The following EXOC4 variants were observed in gnomAD, a reference collection of about 807,000 sequenced individuals.
EXOC4 encodes the protein exocyst complex component 4.
EXOC4 carries 71 observed loss-of-function variants against 107.2 expected under a neutral mutation model. The ratio of observed to expected loss-of-function variants is 0.66; its 90% CI spans 0.55 to 0.81. The LOEUF (loss-of-function observed/expected upper bound fraction) is 0.81, where lower values mean the gene tolerates loss of function less well. EXOC4 is among the 30% of genes least tolerant of loss of function. EXOC4 has a pLI of 0.00. For missense variants in EXOC4, 1,108 were observed against 1,189.6 expected, an observed-to-expected ratio of 0.93 and a Z score of 1.01; for synonymous variants, 456 against 441.2, an observed-to-expected ratio of 1.03 and a Z score of -0.42.
At chr7:133,812,151 A>G (rs989092641) in intron 10 of EXOC4, among the ~76,000 whole-genome samples, 1 of 151,756 alleles carries the variant, frequency 6.6e-6, no homozygotes, top group African/African-American at 2.4e-5. Context: ...TGAAAAGTGA[A>G]AAAAAAAATC....
chr7:134,062,689 G>A (rs949073285), intron 17 of EXOC4, among the ~76,000 whole-genome samples: 1 of 151,562 alleles, frequency 6.6e-6, no homozygotes, highest in Non-Finnish European at 1.5e-5. Flanking sequence ...CTGGCTCAGA[G>A]TCTGTGTTGA....
intron 5 of EXOC4, among the ~76,000 whole-genome samples, chr7:133,343,830 T>A (rs1795722133): frequency 6.6e-6 from 1 of 151,906 alleles, no homozygotes. Context: ...TTATTTATCT[T>A]TGAGATTTTT....
chr7:133,477,712 T>A (rs1799051861), intron 8 of EXOC4, among the ~76,000 whole-genome samples: 1 of 152,238 alleles, frequency 6.6e-6, no homozygotes, highest in African/African-American at 2.4e-5. Context: ...ATGTTTAGCT[T>A]CATAAGACAC....
intron 7 of EXOC4, among the ~76,000 whole-genome samples, chr7:133,430,272 C>G (rs548094762): frequency 7.2e-5 from 11 of 152,154 alleles, no homozygotes; most frequent in African/African-American, 1.4e-4. Context: ...TGCTCTGTTC[C>G]TCTGCCAATG....
intron 10 of EXOC4, among the ~76,000 whole-genome samples, chr7:133,714,911 A>G (rs1297509356): frequency 2.0e-5 from 3 of 152,026 alleles, no homozygotes; most frequent in Non-Finnish European, 4.4e-5. Context: ...AAGACATCAC[A>G]TCTCTGGGCT....
At chr7:133,318,528 A>T (rs1795041889) in intron 5 of EXOC4, among the ~76,000 whole-genome samples, 1 of 152,202 alleles carries the variant, frequency 6.6e-6, no homozygotes, top group Non-Finnish European at 1.5e-5. Context: ...TGTAATGTTT[A>T]TTATCATTGT....
intron 9 of EXOC4, among the ~76,000 whole-genome samples, chr7:133,574,359 A>G (rs1244154741): frequency 6.6e-6 from 1 of 152,240 alleles, no homozygotes; most frequent in East Asian, 1.9e-4. Context: ...TTAGATATTT[A>G]GGGAATGAAT....
At chr7:133,867,323 A>G (rs942528235) in intron 11 of EXOC4, among the ~76,000 whole-genome samples, 1 of 152,270 alleles carries the variant, frequency 6.6e-6, no homozygotes, top group African/African-American at 2.4e-5. Flanking sequence ...TGTAACTTGC[A>G]TATTACTATG....
the EXOC4 span, among the ~76,000 whole-genome samples, chr7:134,096,232 T>A: frequency 1.1e-4 from 17 of 151,752 alleles, no homozygotes; most frequent in African/African-American, 4.1e-4. Flanking sequence ...GCACAATGAG[T>A]TTTAATAAAA....
intron 7 of EXOC4, among the ~76,000 whole-genome samples, chr7:133,438,356 A>AT (rs1348430574): frequency 2.0e-5 from 3 of 152,166 alleles, no homozygotes; most frequent in Non-Finnish European, 4.4e-5. Context: ...TTCTTATATT[A>AT]GTTTTTAAGT....
At chr7:133,766,788 A>T (rs747457663) in intron 10 of EXOC4, among the ~76,000 whole-genome samples, 10 of 151,954 alleles carry the variant, frequency 6.6e-5, no homozygotes, top group Non-Finnish European at 1.3e-4. Flanking sequence ...TAAAAGTCAA[A>T]TTGCCCAGGT....
intron 7 of EXOC4, among the ~76,000 whole-genome samples, chr7:133,383,177 A>G (rs1796656106): frequency 6.6e-6 from 1 of 152,356 alleles, no homozygotes; most frequent in African/African-American, 2.4e-5. Context: ...CTAGAAATAC[A>G]AAATATTCAA....
chr7:133,440,729 C>T (rs1216648481), intron 7 of EXOC4, among the ~76,000 whole-genome samples: 2 of 152,156 alleles, frequency 1.3e-5, no homozygotes, highest in Non-Finnish European at 2.9e-5. Flanking sequence ...TGACAGTTTA[C>T]AAATGCCATG....
intron 14 of EXOC4, among the ~76,000 whole-genome samples, chr7:133,956,458 A>G (rs949244766): frequency 2.6e-5 from 4 of 152,216 alleles, no homozygotes; most frequent in Non-Finnish European, 4.4e-5. Context: ...CCTTTCAGTT[A>G]TCTGTACCTA....
intron 14 of EXOC4, among the ~76,000 whole-genome samples, chr7:133,941,060 C>T (rs1173928128): frequency 3.3e-5 from 5 of 151,166 alleles, no homozygotes; most frequent in African/African-American, 4.9e-5. Context: ...TGCAGTGGCG[C>T]GATCTCGGCT....
intron 1 of EXOC4, among the ~76,000 whole-genome samples, chr7:133,270,536 C>A (rs920306348): frequency 6.6e-6 from 1 of 152,014 alleles, no homozygotes; most frequent in Non-Finnish European, 1.5e-5. Context: ...AGTCCTTTAC[C>A]ATTTAAAGGG....
intron 14 of EXOC4, among the ~76,000 whole-genome samples, chr7:133,955,187 A>G (rs1289885011): frequency 1.3e-5 from 2 of 152,368 alleles, no homozygotes; most frequent in East Asian, 3.9e-4. Flanking sequence ...GCATCCAGGA[A>G]GAATGAGTTA....
intron 13 of EXOC4, among the ~76,000 whole-genome samples, chr7:133,936,724 A>G (rs1483775082): frequency 2.0e-5 from 3 of 152,004 alleles, no homozygotes; most frequent in Non-Finnish European, 4.4e-5. Context: ...CAGTGGCACG[A>G]TCTCGGCTCA....
intron 17 of EXOC4, among the ~76,000 whole-genome samples, chr7:134,031,443 C>A (rs1380675201): frequency 6.6e-6 from 1 of 152,052 alleles, no homozygotes; most frequent in Non-Finnish European, 1.5e-5. Flanking sequence ...AGGTTTATAA[C>A]CCTGCCTGGA....
Sources: gnomAD v4.1 joint callset for allele counts (sites outside exome capture counted in the v4.1 genomes callset) on GRCh38, gnomAD v4.1.1 for gene constraint, MANE v1.5 for transcripts, NCBI Gene and HGNC (gene_info 2026-07-23, HGNC 2026-07-21) for gene names.